The following SPEF2 variants were observed in gnomAD, a reference collection of about 807,000 sequenced individuals.
The protein encoded by SPEF2 is sperm flagellar and cilia associated 2, also known as sperm flagella and cilia-associated protein 2.
A neutral mutation model predicts 224.6 loss-of-function variants in SPEF2; 187 were observed. The ratio of observed to expected loss-of-function variants is 0.83; its 90% CI spans 0.74 to 0.94. The LOEUF (loss-of-function observed/expected upper bound fraction) is 0.94, where lower values mean the gene tolerates loss of function less well. Ranked by LOEUF, SPEF2 falls within the 40% of genes least tolerant of loss-of-function variation. SPEF2 has a pLI of 0.00. For synonymous variants in SPEF2, 715 were observed against 707.3 expected (o/e 1.01, Z -0.17); for missense variants, 2,170 against 2,135.6 (o/e 1.02, Z -0.32).
chr5:35,806,661 A>G, intron 34 of SPEF2, 46 bp from the exon 35 acceptor site: 1 of 1,574,346 alleles, frequency 6.4e-7, no homozygotes, highest in Non-Finnish European at 8.6e-7. Context: ...CCATTGGTGG[A>G]AAAAACTTCA....
intron 20 of SPEF2, among the ~76,000 whole-genome samples, chr5:35,715,523 T>C (rs1033114040): frequency 1.3e-5 from 2 of 152,110 alleles, no homozygotes; most frequent in African/African-American, 4.8e-5. Context: ...TCCTAGGTGA[T>C]AAATTTCGTT....
chr5:35,798,037 T>C (rs1362434507), intron 33 of SPEF2, among the ~76,000 whole-genome samples: 1 of 152,144 alleles, frequency 6.6e-6, no homozygotes, highest in Non-Finnish European at 1.5e-5. Flanking sequence ...GAGAGTTCTA[T>C]CTTCAAAACG....
chr5:35,744,403 TC>T (rs1282214322), intron 23 of SPEF2, among the ~76,000 whole-genome samples: 5 of 152,202 alleles, frequency 3.3e-5, no homozygotes, highest in African/African-American at 1.2e-4. Flanking sequence ...ATTGCTTTAA[TC>T]CCTTTTTATC....
At chr5:35,751,020 TATACGTATATATATAC>T (rs1749380291) in intron 23 of SPEF2, among the ~76,000 whole-genome samples, 3 of 100,080 alleles carry the variant, frequency 3.0e-5, no homozygotes, top group African/African-American at 1.2e-4. Context: ...TACGTATATA[TATACGTATATATATAC>T]ACATATGTAT....
In SPEF2 at chr5:35,794,779, A is replaced by G. The variant is rs1756439530; in HGVS notation, c.4738-924A>G. ...AGTGCTGAGCTAAAACCAGAAAACT[A>G]TTTTACCAAAGGTGTGAGTTTCTTA... is the stretch of plus-strand genomic sequence containing the variant. On this transcript the variant is annotated intron_variant, in intron 32 of 36. Coordinates refer to ENST00000356031, the MANE Select transcript of SPEF2 (RefSeq NM_024867.4). Among the ~76,000 whole-genome samples the G allele has an allele frequency of 2.0e-5, 3 of 152,270 alleles. No individual in the cohort carries two copies. The South Asian group carries it at 6.2e-4, about 32-fold the overall frequency.
intron 6 of SPEF2, among the ~76,000 whole-genome samples, chr5:35,650,167 C>T (rs570726379): frequency 2.0e-4 from 31 of 152,088 alleles, no homozygotes; most frequent in African/African-American, 6.3e-4. Context: ...AATTTCCTGA[C>T]GGAAGGGAGA....
At chr5:35,807,662 A>G (rs1228029194) in intron 36 of SPEF2, 5 of 1,536,082 alleles carry the variant, frequency 3.3e-6, no homozygotes, top group Non-Finnish European at 4.4e-6. Flanking sequence ...ATGTAGTGGA[A>G]ATGATAGTGT....
In SPEF2 at chr5:35,659,088, G is replaced by T. The variant is rs770811953; in HGVS notation, c.1048G>T (p.Val350Leu). 5.0e-6 allele frequency: 8 copies of T among 1,612,126 alleles called. No homozygotes were observed. The African/African-American group carries it at 8.0e-5, about 16-fold the overall frequency. ...RQSQQERRIA[V>L]QLMHVRHEKE... The stretch of plus-strand genomic sequence containing the variant: ...GTCCCAGCAGGAGCGCAGGATTGCC[G>T]TGCAGCTCATGCATGTTCGGCATGA... The change falls in exon 8 of 37, where the codon GTG becomes TTG. Residue 350 changes from valine to leucine, a missense_variant. Physicochemically the swap from Val to Leu is conservative, Grantham distance 32 (BLOSUM62 1). Transcript: ENST00000356031.
intron 5 of SPEF2, among the ~76,000 whole-genome samples, chr5:35,648,842 T>C (rs562453793): frequency 3.3e-5 from 5 of 151,934 alleles, no homozygotes; most frequent in South Asian, 4.2e-4. Context: ...GGCGAAACCC[T>C]GTCTGTATTA....
At chr5:35,744,185 T>C (rs1053227720) in intron 23 of SPEF2, among the ~76,000 whole-genome samples, 17 of 152,362 alleles carry the variant, frequency 1.1e-4, no homozygotes, top group Non-Finnish European at 2.5e-4. Flanking sequence ...AAGTTGAATG[T>C]GGGTTTTTAC....
chr5:35,715,208 C>T (rs1187054676), intron 20 of SPEF2, among the ~76,000 whole-genome samples: 1 of 152,070 alleles, frequency 6.6e-6, no homozygotes, highest in African/African-American at 2.4e-5. Context: ...TGAGCCATCA[C>T]CCCTGGCCAA....
chr5:35,674,501 A>G (rs1030632139), intron 10 of SPEF2, among the ~76,000 whole-genome samples: 9 of 147,380 alleles, frequency 6.1e-5, no homozygotes, highest in African/African-American at 1.2e-4. Context: ...AACATTAGGT[A>G]TATCTCCTAA....
At chr5:35,651,087 A>C (rs1748126226) in intron 6 of SPEF2, among the ~76,000 whole-genome samples, 1 of 152,254 alleles carries the variant, frequency 6.6e-6, no homozygotes, top group African/African-American at 2.4e-5. Flanking sequence ...GAAGACAGAC[A>C]AAAAAGTAGA....
At chr5:35,762,463 G>A (rs1751441536) in intron 25 of SPEF2, among the ~76,000 whole-genome samples, 1 of 152,068 alleles carries the variant, frequency 6.6e-6, no homozygotes, top group Non-Finnish European at 1.5e-5. Flanking sequence ...TTAATTTGTG[G>A]GTAGATGAGT....
intron 11 of SPEF2, among the ~76,000 whole-genome samples, 187 bp from the exon 12 acceptor site, chr5:35,692,383 C>T (rs750662582): frequency 6.6e-6 from 1 of 152,134 alleles, no homozygotes; most frequent in Admixed American, 6.5e-5. Flanking sequence ...TGCACTCCAG[C>T]CTAGGCGACA....
intron 30 of SPEF2, among the ~76,000 whole-genome samples, chr5:35,782,319 C>G (rs1207384738): frequency 6.6e-6 from 1 of 152,176 alleles, no homozygotes; most frequent in South Asian, 2.1e-4. Context: ...GAACTTCCTG[C>G]TCAAACTTGC....
At chr5:35,773,356 G>T (rs1430661272) in intron 27 of SPEF2, among the ~76,000 whole-genome samples, 2 of 152,072 alleles carry the variant, frequency 1.3e-5, no homozygotes, top group African/African-American at 4.8e-5. Context: ...CTCCAGCCTG[G>T]GTGACAGAGC....
At chr5:35,812,838 T>C (rs1336413279) in intron 36 of SPEF2, among the ~76,000 whole-genome samples, 3 of 152,344 alleles carry the variant, frequency 2.0e-5, no homozygotes, top group African/African-American at 7.2e-5. Flanking sequence ...AAGGAGACTT[T>C]CATCCCTCTT....
At chr5:35,653,049 A>G (rs181857108) in intron 6 of SPEF2, among the ~76,000 whole-genome samples, 172 of 152,306 alleles carry the variant, frequency 1.1e-3, no homozygotes, top group Non-Finnish European at 2.0e-3. Flanking sequence ...TTTGAAGAGG[A>G]TGCAGATGAG....
Sources: gnomAD v4.1 joint callset for allele counts (sites outside exome capture counted in the v4.1 genomes callset) on GRCh38, gnomAD v4.1.1 for gene constraint, MANE v1.5 for transcripts, NCBI Gene and HGNC (gene_info 2026-07-23, HGNC 2026-07-21) for gene names.